The following MYOM2 variants were observed in gnomAD, a reference collection of about 807,000 sequenced individuals.
MYOM2 encodes the protein myomesin 2.
Under a neutral mutation model 187.6 loss-of-function variants are expected in MYOM2, and 254 were observed. That is an observed-to-expected ratio of 1.35 (90% CI 1.22 to 1.50). MYOM2 has a LOEUF of 1.50. Ranked by LOEUF, MYOM2 falls within the 40% of genes most tolerant of loss-of-function variation. MYOM2 has a pLI of 0.00. For synonymous variants in MYOM2, 981 were observed against 753.8 expected (o/e 1.30, Z -4.94); for missense variants, 2,796 against 1,924.0 (o/e 1.45, Z -8.48).
At chr8:2,072,635 A>C in intron 9 of MYOM2, 126 bp downstream of exon 9, 1 of 1,175,948 alleles carries the variant, frequency 8.5e-7, no homozygotes, top group South Asian at 1.6e-5. Flanking sequence ...AGCGAAACAA[A>C]CTGAGGGACT....
chr8:2,094,544 C>T (rs980701007), intron 17 of MYOM2, among the ~76,000 whole-genome samples: 3 of 152,156 alleles, frequency 2.0e-5, no homozygotes, highest in East Asian at 1.9e-4. Context: ...CCCAGCTACT[C>T]GATAGGCTGA....
intron 14 of MYOM2, among the ~76,000 whole-genome samples, chr8:2,088,563 G>C (rs1314311507): frequency 6.6e-6 from 1 of 152,226 alleles, no homozygotes; most frequent in African/African-American, 2.4e-5. Context: ...TAGGATAACA[G>C]CCTCCAGCTG....
intron 13 of MYOM2, among the ~76,000 whole-genome samples, chr8:2,082,737 C>T (rs1047537338): frequency 1.3e-5 from 2 of 152,172 alleles, no homozygotes; most frequent in Non-Finnish European, 2.9e-5. Flanking sequence ...TTATTCTCTC[C>T]TAATTATGTA....
At chr8:2,111,133 G>T (rs1012650235) in intron 25 of MYOM2, among the ~76,000 whole-genome samples, 2 of 152,186 alleles carry the variant, frequency 1.3e-5, no homozygotes, top group African/African-American at 4.8e-5. Context: ...AGCACTTCCT[G>T]CCTGCTGTAT....
At chr8:2,141,006 G>T (rs1798255867) in intron 33 of MYOM2, 120 bp downstream of exon 33, 14 of 1,324,560 alleles carry the variant, frequency 1.1e-5, no homozygotes, top group Non-Finnish European at 1.2e-5. Context: ...TTCATTTAGA[G>T]AAAATGAAAA....
chr8:2,113,888 C>G (rs573726369), intron 25 of MYOM2, among the ~76,000 whole-genome samples: 1 of 152,214 alleles, frequency 6.6e-6, no homozygotes, highest in Admixed American at 6.5e-5. Flanking sequence ...AGGCATGATG[C>G]TGGGCACAGC....
chr8:2,126,180 C>G (rs562878187), intron 31 of MYOM2, among the ~76,000 whole-genome samples: 8 of 152,172 alleles, frequency 5.3e-5, no homozygotes, highest in Non-Finnish European at 1.2e-4. Context: ...AGCAGAGATG[C>G]AGCGGCTGAG....
intron 14 of MYOM2, 78 bp downstream of exon 14, chr8:2,085,468 G>GCTGTCATGATCTCTGTGTGGCCCCCCA: frequency 7.1e-7 from 1 of 1,414,846 alleles, no homozygotes; most frequent in East Asian, 2.6e-5. Context: ...GTGGCCCACC[G>GCTGTCATGATCTCTGTGTGGCCCCCCA]CTGTCGTGAT....
chr8:2,067,449 T>C (rs1324177049), intron 6 of MYOM2, among the ~76,000 whole-genome samples: 2 of 152,148 alleles, frequency 1.3e-5, no homozygotes, highest in Non-Finnish European at 2.9e-5. Flanking sequence ...TACCTTACTG[T>C]GTTGATTGCT....
At chr8:2,116,891 G>A (rs1339262696) in intron 27 of MYOM2, among the ~76,000 whole-genome samples, 2 of 151,996 alleles carry the variant, frequency 1.3e-5, no homozygotes, top group Non-Finnish European at 2.9e-5. Flanking sequence ...CCGAATAGCT[G>A]GGACTACAGG....
intron 35 of MYOM2, among the ~76,000 whole-genome samples, chr8:2,142,802 C>G (rs1798322269): frequency 6.7e-6 from 1 of 149,090 alleles, no homozygotes; most frequent in South Asian, 2.1e-4. Context: ...GTCACCCAGG[C>G]TGGAGTGCAA....
rs1796393043 is a variant in MYOM2 at position 2,093,953 on chromosome 8, A to G, written c.2004-17A>G. On this transcript the variant is annotated splice_polypyrimidine_tract_variant and intron_variant, in intron 16 of 36. Transcript: ENST00000262113. ...GTGGAGCCTGGCAGTTCTGACCCTG[A>G]TCCCTGTGTTTCTCAGGTTCGTGGT... 6.2e-7 allele frequency: 1 copy of G among 1,613,532 alleles called. No individual in the cohort carries two copies. Among genetic ancestry groups the G allele is most frequent in the Admixed American group, 1.7e-5 (1 of 59,958 alleles).
At chr8:2,085,075 C>T (rs528129874) in intron 13 of MYOM2, 188 bp from the exon 14 acceptor site, 5 of 634,194 alleles carry the variant, frequency 7.9e-6, no homozygotes, top group Non-Finnish European at 1.1e-5. Flanking sequence ...GCAAAACTAA[C>T]TGGCTGATCT....
chr8:2,131,427 G>A (rs1383191093), intron 32 of MYOM2, among the ~76,000 whole-genome samples: 1 of 151,950 alleles, frequency 6.6e-6, no homozygotes, highest in Non-Finnish European at 1.5e-5. Flanking sequence ...GAAGCTCCAA[G>A]CCCAGTGAAG....
intron 9 of MYOM2, among the ~76,000 whole-genome samples, chr8:2,072,799 C>G (rs1465307553): frequency 6.6e-6 from 1 of 152,244 alleles, no homozygotes; most frequent in Non-Finnish European, 1.5e-5. Flanking sequence ...GTTTAATGCA[C>G]ATTACTGCAT....
chr8:2,101,104 G>C (rs777644162), intron 20 of MYOM2, 50 bp downstream of exon 20: 40 of 1,587,216 alleles, frequency 2.5e-5, no homozygotes, highest in South Asian at 2.2e-5. Context: ...CCAGCACTTT[G>C]GGAGGTAAAG....
intron 1 of MYOM2, among the ~76,000 whole-genome samples, chr8:2,048,876 G>A (rs1456853951): frequency 3.3e-5 from 5 of 151,220 alleles, no homozygotes; most frequent in African/African-American, 7.3e-5. Context: ...TGCAAGCTCC[G>A]CCTCCCAGGT....
chr8:2,124,312 G>C, intron 31 of MYOM2, 95 bp downstream of exon 31: 1 of 1,253,526 alleles, frequency 8.0e-7, no homozygotes. Flanking sequence ...GGGCACCATG[G>C]AGCTGTGGTG....
intron 13 of MYOM2, among the ~76,000 whole-genome samples, chr8:2,084,641 T>C (rs1229347269): frequency 6.6e-6 from 1 of 152,194 alleles, no homozygotes; most frequent in Non-Finnish European, 1.5e-5. Context: ...ATATGGAGCA[T>C]CTCTGACTGC....
Sources: allele counts gnomAD v4.1 joint callset (sites outside exome capture counted in the v4.1 genomes callset), GRCh38; gene constraint gnomAD v4.1.1; transcripts MANE v1.5; gene names NCBI Gene and HGNC (gene_info 2026-07-23, HGNC 2026-07-21).